LRMDA: variants seen among roughly 807,000 people sequenced by gnomAD.
LRMDA encodes leucine rich melanocyte differentiation associated.
A neutral mutation model predicts 29.8 loss-of-function variants in LRMDA; 18 were observed. The observed-to-expected ratio is 0.60, with a 90% CI of 0.42 to 0.90. The LOEUF is 0.90. LRMDA is among the 40% of genes least tolerant of loss of function. The pLI is 0.00. For synonymous variants in LRMDA, 125 were observed against 109.4 expected (o/e 1.14, Z -0.89); for missense variants, 273 against 273.9 (o/e 1.00, Z 0.02).
chr10:75,830,618 A>G (rs1844324358), intron 2 of LRMDA, among the ~76,000 whole-genome samples: 1 of 152,190 alleles, frequency 6.6e-6, no homozygotes, highest in Non-Finnish European at 1.5e-5. Flanking sequence ...CTATCATGAG[A>G]ACAATATGGG....
chr10:76,178,790 T>C lies in LRMDA; in HGVS notation c.516+120007T>C, dbSNP rs372413802. Among the ~76,000 whole-genome samples the C allele has an allele frequency of 3.9e-5, 6 of 152,240 alleles. No homozygotes were observed. The East Asian group carries it at 7.7e-4, about 20-fold the overall frequency. On this transcript the variant is annotated intron_variant, in intron 5 of 6. Transcript: ENST00000611255. ...TATCCAGAAAAGCAGCGTATTCAAG[T>C]GGCAGCTTGTTCCTTGAGGCTTGTC...
chr10:75,669,678 G>A (rs769516233), intron 2 of LRMDA, among the ~76,000 whole-genome samples: 12 of 152,124 alleles, frequency 7.9e-5, no homozygotes, highest in Admixed American at 3.9e-4. Flanking sequence ...CAAAAGCATT[G>A]CTATCTCTTA....
intron 6 of LRMDA, among the ~76,000 whole-genome samples, chr10:76,426,302 T>G (rs1842125490): frequency 6.6e-6 from 1 of 152,212 alleles, no homozygotes; most frequent in African/African-American, 2.4e-5. Context: ...TTCTAACTGG[T>G]GTGAGATGAT....
rs564538048 is a variant in LRMDA at position 76,373,087 on chromosome 10, G to C, written c.601+48602G>C. ...GTGTTTGACCCTTTCCAAACCCAGT[G>C]TTTCTCAAATATATTTAACCACACA... is the stretch of plus-strand genomic sequence containing the variant. On this transcript the variant is annotated intron_variant, in intron 6 of 6. Transcript: ENST00000611255. 3.9e-5 allele frequency among the ~76,000 whole-genome samples: 6 copies of C among 152,230 alleles called. 1 individual carries two copies. Among genetic ancestry groups the C allele is most frequent in the African/African-American group, 1.4e-4 (6 of 41,546 alleles).
chr10:76,440,586 A>G (rs905159846), intron 6 of LRMDA, among the ~76,000 whole-genome samples: 2 of 152,078 alleles, frequency 1.3e-5, no homozygotes, highest in Non-Finnish European at 2.9e-5. Flanking sequence ...GTTGTGGTGG[A>G]TGATTTCAGA....
chr10:75,877,995 C>T (rs1845228791), intron 2 of LRMDA, among the ~76,000 whole-genome samples: 1 of 152,178 alleles, frequency 6.6e-6, no homozygotes, highest in African/African-American at 2.4e-5. Context: ...GCTGCTGAAA[C>T]CCCTTGGGGA....
chr10:76,230,322 A>G (rs112043362), intron 5 of LRMDA, among the ~76,000 whole-genome samples: 18 of 152,198 alleles, frequency 1.2e-4, no homozygotes, highest in Middle Eastern at 3.2e-3. Context: ...AGCATCCTTC[A>G]TATCTGAAAT....
At chr10:75,971,349 G>A (rs1410086108) in intron 2 of LRMDA, among the ~76,000 whole-genome samples, 1 of 152,184 alleles carries the variant, frequency 6.6e-6, no homozygotes, top group Admixed American at 6.5e-5. Flanking sequence ...TCTCTTAGCG[G>A]AGGTGTTAAG....
chr10:75,667,663 C>T (rs1000919101), intron 2 of LRMDA, among the ~76,000 whole-genome samples: 6 of 152,154 alleles, frequency 3.9e-5, no homozygotes, highest in African/African-American at 1.4e-4. Flanking sequence ...ATGTTCACTT[C>T]TTCTACTTTG....
intron 2 of LRMDA, among the ~76,000 whole-genome samples, chr10:76,001,026 T>A (rs1280120471): frequency 1.3e-5 from 2 of 152,232 alleles, no homozygotes; most frequent in Admixed American, 6.5e-5. Context: ...CCAAGTCATA[T>A]AACTTGCCCA....
At chr10:76,118,554 TAATACATACAC>T (rs1431127272) in intron 5 of LRMDA, among the ~76,000 whole-genome samples, 4 of 152,202 alleles carry the variant, frequency 2.6e-5, no homozygotes, top group African/African-American at 9.7e-5. Context: ...CATTTGAGGC[TAATACATACAC>T]AAGATTCTGC....
intron 2 of LRMDA, among the ~76,000 whole-genome samples, chr10:75,900,294 C>G (rs552790371): frequency 6.6e-6 from 1 of 152,134 alleles, no homozygotes; most frequent in Non-Finnish European, 1.5e-5. Context: ...CTAACTTGGT[C>G]GTAAAACTGT....
chr10:76,322,824 G>A (rs1840788024), intron 5 of LRMDA, among the ~76,000 whole-genome samples: 1 of 152,076 alleles, frequency 6.6e-6, no homozygotes, highest in Admixed American at 6.5e-5. Flanking sequence ...TAGGGAGGAT[G>A]ACCCCTGTAC....
At chr10:76,143,466 G>GT (rs1365459662) in intron 5 of LRMDA, among the ~76,000 whole-genome samples, 1 of 152,060 alleles carries the variant, frequency 6.6e-6, no homozygotes, top group Non-Finnish European at 1.5e-5. Flanking sequence ...TTTTTCATGT[G>GT]TTTTTTGGCT....
At chr10:76,113,587 C>A (rs1231441298) in intron 5 of LRMDA, among the ~76,000 whole-genome samples, 4 of 152,072 alleles carry the variant, frequency 2.6e-5, no homozygotes, top group African/African-American at 9.7e-5. Flanking sequence ...TGAAAAGCCC[C>A]CTTTTTCAGA....
intron 2 of LRMDA, among the ~76,000 whole-genome samples, chr10:75,640,259 T>C (rs1841436469): frequency 6.6e-6 from 1 of 152,128 alleles, no homozygotes; most frequent in African/African-American, 2.4e-5. Flanking sequence ...TTGCCATCAT[T>C]TTCACCCCAA....
chr10:76,476,503 C>G (rs185334775), intron 6 of LRMDA, among the ~76,000 whole-genome samples: 213 of 152,258 alleles, frequency 1.4e-3, no homozygotes, highest in African/African-American at 5.0e-3. Context: ...CCTTCAGAAA[C>G]TATTCCAATC....
At chr10:75,778,317 A>G (rs1457253248) in intron 2 of LRMDA, among the ~76,000 whole-genome samples, 1 of 152,076 alleles carries the variant, frequency 6.6e-6, no homozygotes. Flanking sequence ...GCCTCAAGTG[A>G]TCCTCTGACC....
At chr10:75,570,392 G>T (rs1275203270) in intron 2 of LRMDA, among the ~76,000 whole-genome samples, 2 of 152,170 alleles carry the variant, frequency 1.3e-5, no homozygotes, top group African/African-American at 4.8e-5. Flanking sequence ...GAAACCAGAG[G>T]CTTCCCTTAT....
Sources: allele counts gnomAD v4.1 joint callset (sites outside exome capture counted in the v4.1 genomes callset), GRCh38; gene constraint gnomAD v4.1.1; transcripts MANE v1.5; gene names NCBI Gene and HGNC (gene_info 2026-07-23, HGNC 2026-07-21).